NRG1: variants seen among roughly 807,000 people sequenced by gnomAD.
NRG1 encodes neuregulin 1, also known as pro-neuregulin-1, membrane-bound isoform.
A neutral mutation model predicts 63.8 loss-of-function variants in NRG1; 18 were observed. That is an observed-to-expected ratio of 0.28 (90% CI 0.19 to 0.42). The LOEUF is 0.42. Among genes scored for constraint, NRG1 ranks in the 10% least tolerant of loss-of-function variants. The pLI, the probability that NRG1 is intolerant of heterozygous loss-of-function variation, is 1.00. For synonymous variants in NRG1, 302 were observed against 301.3 expected, an observed-to-expected ratio of 1.00 and a Z score of -0.02; for missense variants, 762 against 814.7, an observed-to-expected ratio of 0.94 and a Z score of 0.79.
At chr8:32,548,854 A>T (rs1337910481) in intron 1 of NRG1, 28 bp downstream of exon 1, 1 of 1,538,756 alleles carries the variant, frequency 6.5e-7, no homozygotes, top group Non-Finnish European at 8.7e-7. Flanking sequence ...CCCGGGCCCC[A>T]CGATCCTCCT....
intron 1 of NRG1, among the ~76,000 whole-genome samples, chr8:32,187,594 C>T (rs1192930348): frequency 3.3e-5 from 5 of 152,126 alleles, no homozygotes; most frequent in Admixed American, 3.3e-4. Context: ...ATTTGTGAAG[C>T]ATTCATCTTG....
Position 32,253,134 on chromosome 8 carries a change from T to C in NRG1, c.38-342694T>C, listed in dbSNP as rs1586406061. The stretch of plus-strand genomic sequence containing the variant: ...GTTTTCTAAATGTACAATCATGTCA[T>C]CTACAAACAGAGACAATTTGACTTC... On this transcript the variant is annotated intron_variant, in intron 1 of 10. Coordinates refer to the NRG1 transcript ENST00000519301. Among the ~76,000 whole-genome samples the C allele has an allele frequency of 2.0e-5, 3 of 152,350 alleles. No homozygotes were observed. In the South Asian group the frequency reaches 6.2e-4, roughly 32 times the overall value.
intron 1 of NRG1, among the ~76,000 whole-genome samples, chr8:32,427,706 T>C (rs1817573161): frequency 6.6e-6 from 1 of 152,228 alleles, no homozygotes; most frequent in Non-Finnish European, 1.5e-5. Flanking sequence ...CTATTGTGTT[T>C]GAATTACATT....
intron 1 of NRG1, among the ~76,000 whole-genome samples, chr8:32,407,835 A>G (rs1295935505): frequency 2.0e-5 from 3 of 152,198 alleles, no homozygotes; most frequent in Non-Finnish European, 4.4e-5. Flanking sequence ...ATATGCCTGT[A>G]GCTCCAAAAA....
At chr8:32,497,933 C>T (rs553447197) in intron 1 of NRG1, among the ~76,000 whole-genome samples, 1 of 152,306 alleles carries the variant, frequency 6.6e-6, no homozygotes, top group African/African-American at 2.4e-5. Context: ...AAGTGATTCT[C>T]CTGTCTCAGC....
intron 1 of NRG1, among the ~76,000 whole-genome samples, chr8:32,142,161 A>G (rs1320824178): frequency 6.6e-6 from 1 of 152,120 alleles, no homozygotes; most frequent in Non-Finnish European, 1.5e-5. Context: ...CATTTTTTGA[A>G]CTGATAGAGG....
chr8:32,398,145 A>G (rs1439941697), intron 1 of NRG1, among the ~76,000 whole-genome samples: 6 of 152,146 alleles, frequency 3.9e-5, no homozygotes, highest in African/African-American at 1.4e-4. Context: ...TAGTTTATAT[A>G]TGGATTTTTC....
intron 5 of NRG1, among the ~76,000 whole-genome samples, chr8:32,713,949 C>T (rs1481241791): frequency 6.6e-6 from 1 of 151,784 alleles, no homozygotes; most frequent in Non-Finnish European, 1.5e-5. Flanking sequence ...CTCAGCCTCC[C>T]CAGTAGCTGG....
intron 1 of NRG1, among the ~76,000 whole-genome samples, chr8:32,308,607 C>G (rs1856483649): frequency 6.6e-6 from 1 of 152,188 alleles, no homozygotes; most frequent in Admixed American, 6.5e-5. Flanking sequence ...CTTGGTGCCT[C>G]TCTTCCACCA....
chr8:31,970,076 G>A (rs1401746878), intron 1 of NRG1, among the ~76,000 whole-genome samples: 1 of 152,078 alleles, frequency 6.6e-6, no homozygotes, highest in African/African-American at 2.4e-5. Context: ...TGAATATAGT[G>A]AGTATAATTG....
At chr8:32,724,868 T>G (rs568743502) in intron 5 of NRG1, among the ~76,000 whole-genome samples, 46 of 152,340 alleles carry the variant, frequency 3.0e-4, no homozygotes, top group Non-Finnish European at 5.7e-4. Context: ...CTATGAAATA[T>G]CCCATTACTA....
intron 1 of NRG1, among the ~76,000 whole-genome samples, chr8:32,231,870 G>T (rs1234877137): frequency 1.3e-5 from 2 of 150,102 alleles, no homozygotes; most frequent in Non-Finnish European, 3.0e-5. Context: ...CCTCCAGCCT[G>T]GGCAACAGAT....
chr8:31,838,326 C>T (rs974411587), intron 1 of NRG1, among the ~76,000 whole-genome samples: 66 of 152,002 alleles, frequency 4.3e-4, no homozygotes, highest in African/African-American at 1.5e-3. Context: ...GCCTGTACCA[C>T]CTGTTTTAAT....
intron 3 of NRG1, among the ~76,000 whole-genome samples, chr8:32,612,208 A>C (rs1402511955): frequency 1.3e-5 from 2 of 152,068 alleles, no homozygotes; most frequent in Admixed American, 6.6e-5. Context: ...AGATTGCAGG[A>C]TTTAATGCTT....
At chr8:32,149,026 A>G (rs2131808031) in intron 1 of NRG1, among the ~76,000 whole-genome samples, 2 of 152,312 alleles carry the variant, frequency 1.3e-5, no homozygotes, top group Admixed American at 6.5e-5. Context: ...ATATTTGGGG[A>G]CATGAAGCCT....
At chr8:32,690,473 G>C (rs918204298) in intron 5 of NRG1, among the ~76,000 whole-genome samples, 1 of 152,140 alleles carries the variant, frequency 6.6e-6, no homozygotes, top group Admixed American at 6.6e-5. Context: ...TATGCCATAA[G>C]GACAATGGAG....
chr8:31,747,900 T>A (rs1816055127), intron 1 of NRG1, among the ~76,000 whole-genome samples: 1 of 152,000 alleles, frequency 6.6e-6, no homozygotes, highest in South Asian at 2.1e-4. Flanking sequence ...ACTTCAGTTA[T>A]CTTTTTAGTC....
chr8:32,709,089 A>C (rs1589334513), intron 5 of NRG1, among the ~76,000 whole-genome samples: 1 of 152,322 alleles, frequency 6.6e-6, no homozygotes, highest in Admixed American at 6.5e-5. Flanking sequence ...GCTTTTCTCA[A>C]GGACATTAAA....
chr8:32,067,538 C>G (rs1204351163), intron 1 of NRG1, among the ~76,000 whole-genome samples: 1 of 152,020 alleles, frequency 6.6e-6, no homozygotes, highest in Non-Finnish European at 1.5e-5. Flanking sequence ...AGGGATGAAG[C>G]CCACTTGATC....
Sources: allele counts gnomAD v4.1 joint callset (sites outside exome capture counted in the v4.1 genomes callset), GRCh38; gene constraint gnomAD v4.1.1; transcripts MANE v1.5; gene names NCBI Gene and HGNC (gene_info 2026-07-23, HGNC 2026-07-21).